SKAP2: variants seen among roughly 807,000 people sequenced by gnomAD.
SKAP2 encodes the protein src kinase-associated phosphoprotein 2.
Under a neutral mutation model 54.9 loss-of-function variants are expected in SKAP2, and 28 were observed. The observed-to-expected ratio is 0.51, with a 90% CI of 0.38 to 0.70. SKAP2 has a LOEUF of 0.70. Ranked by LOEUF, SKAP2 falls within the 30% of genes least tolerant of loss-of-function variation. The pLI is 0.00. For synonymous variants in SKAP2, 137 were observed against 134.3 expected, an observed-to-expected ratio of 1.02 and a Z score of -0.14; for missense variants, 356 against 424.1, an observed-to-expected ratio of 0.84 and a Z score of 1.41.
chr7:26,794,999 G>A (rs1562613220), intron 4 of SKAP2, among the ~76,000 whole-genome samples: 1 of 152,298 alleles, frequency 6.6e-6, no homozygotes, highest in South Asian at 2.1e-4. Flanking sequence ...CCCTATTGAG[G>A]TTAATAGAGG....
intron 3 of SKAP2, among the ~76,000 whole-genome samples, chr7:26,848,288 G>A (rs978433546): frequency 6.6e-6 from 1 of 152,078 alleles, no homozygotes; most frequent in African/African-American, 2.4e-5. Flanking sequence ...AGGTAAACAG[G>A]AAATGAAGTA....
intron 4 of SKAP2, among the ~76,000 whole-genome samples, chr7:26,837,909 C>A (rs906321757): frequency 6.6e-6 from 1 of 152,150 alleles, no homozygotes; most frequent in Non-Finnish European, 1.5e-5. Flanking sequence ...CTTTTAAGAG[C>A]AGAGCATAAT....
chr7:26,702,956 G>A (rs1787070648), intron 9 of SKAP2, among the ~76,000 whole-genome samples: 1 of 152,214 alleles, frequency 6.6e-6, no homozygotes, highest in Admixed American at 6.5e-5. Context: ...AGCAGCATCA[G>A]AATCACCTGG....
chr7:26,828,538 G>T (rs545372686), intron 4 of SKAP2, among the ~76,000 whole-genome samples: 4 of 151,428 alleles, frequency 2.6e-5, no homozygotes, highest in African/African-American at 9.7e-5. Flanking sequence ...TTAGCCGGGC[G>T]TGGTGGTGGG....
chr7:26,762,449 T>C (rs1235207934), intron 4 of SKAP2, among the ~76,000 whole-genome samples: 1 of 152,164 alleles, frequency 6.6e-6, no homozygotes, highest in Non-Finnish European at 1.5e-5. Flanking sequence ...TACACGTGTA[T>C]GTAAAATGTA....
Position 26,787,600 on chromosome 7 carries a change from T to C in SKAP2, c.308-47636A>G, listed in dbSNP as rs373328274. ...CCTCTGCCTCCCAAAGCGTTGGGAT[T>C]ACAGGCGTGAGCCACCACACCTGGC... On this transcript the variant is annotated intron_variant, in intron 4 of 12. Coordinates refer to ENST00000345317, the MANE Select transcript of SKAP2 (RefSeq NM_003930.5). 2.6e-5 allele frequency among the ~76,000 whole-genome samples: 4 copies of C among 152,126 alleles called. No individual in the cohort carries two copies. In the East Asian group the frequency reaches 7.7e-4, roughly 29 times the overall value.
intron 4 of SKAP2, among the ~76,000 whole-genome samples, chr7:26,760,255 A>C (rs73061889): frequency 0.3 from 44,920 of 152,030 alleles, 6,896 homozygotes; most frequent in Non-Finnish European, 0.33. Context: ...AAGAAAATGC[A>C]AATTCATGTC....
intron 4 of SKAP2, among the ~76,000 whole-genome samples, chr7:26,751,781 C>T (rs1782689609): frequency 2.6e-5 from 4 of 151,840 alleles, no homozygotes. Context: ...TAATATACTG[C>T]CTCCTTCTCC....
chr7:26,857,309 T>TTAAAAAAAAAAA, intron 1 of SKAP2: 1 of 55,950 alleles, frequency 1.8e-5, no homozygotes, highest in Non-Finnish European at 2.2e-5. Flanking sequence ...ACTGCTTTGC[T>TTAAAAAAAAAAA]TAAAAAAAAA....
intron 9 of SKAP2, among the ~76,000 whole-genome samples, chr7:26,693,517 CAT>C (rs1019675181): frequency 6.6e-5 from 10 of 152,052 alleles, no homozygotes; most frequent in African/African-American, 2.4e-4. Flanking sequence ...GTGCCAGTAA[CAT>C]GTGCTCTGGA....
intron 10 of SKAP2, among the ~76,000 whole-genome samples, chr7:26,687,708 A>C (rs1198944612): frequency 6.6e-6 from 1 of 152,158 alleles, no homozygotes; most frequent in African/African-American, 2.4e-5. Flanking sequence ...AACATACACA[A>C]AAAATTAAGC....
chr7:26,655,345 G>T, the SKAP2 span, among the ~76,000 whole-genome samples: 1 of 152,142 alleles, frequency 6.6e-6, no homozygotes, highest in Non-Finnish European at 1.5e-5. Flanking sequence ...TGCCCCACAA[G>T]TGCCATAAAG....
At chr7:26,825,321 T>C (rs2127991262) in intron 4 of SKAP2, among the ~76,000 whole-genome samples, 1 of 152,296 alleles carries the variant, frequency 6.6e-6, no homozygotes, top group East Asian at 1.9e-4. Context: ...ATAATATATG[T>C]ATCTTCGCTA....
chr7:26,785,347 G>A (rs1365878576), intron 4 of SKAP2, among the ~76,000 whole-genome samples: 8 of 151,752 alleles, frequency 5.3e-5, no homozygotes, highest in Admixed American at 1.3e-4. Context: ...CCACCACACC[G>A]GGCTAATTTT....
chr7:26,834,001 A>C (rs1248710680), intron 4 of SKAP2, among the ~76,000 whole-genome samples: 1 of 152,208 alleles, frequency 6.6e-6, no homozygotes, highest in Non-Finnish European at 1.5e-5. Flanking sequence ...AGTATCTCAG[A>C]CCACAGTGCA....
intron 9 of SKAP2, among the ~76,000 whole-genome samples, chr7:26,716,789 A>G (rs1199620696): frequency 6.6e-6 from 1 of 152,214 alleles, no homozygotes; most frequent in Non-Finnish European, 1.5e-5. Flanking sequence ...AATTAAAATT[A>G]GTATTCCTCT....
At chr7:26,747,600 A>AGTACTGT (rs1782584523) in intron 4 of SKAP2, among the ~76,000 whole-genome samples, 1 of 152,218 alleles carries the variant, frequency 6.6e-6, no homozygotes, top group African/African-American at 2.4e-5. Flanking sequence ...TCTATTTAGA[A>AGTACTGT]CAAAAGAAGA....
At chr7:26,661,206 T>G in the SKAP2 span, among the ~76,000 whole-genome samples, 1 of 152,118 alleles carries the variant, frequency 6.6e-6, no homozygotes, top group Non-Finnish European at 1.5e-5. Context: ...TAAGGTTACA[T>G]GTAACGAGGT....
intron 4 of SKAP2, among the ~76,000 whole-genome samples, chr7:26,780,279 A>G (rs1188570334): frequency 2.0e-5 from 3 of 152,140 alleles, no homozygotes; most frequent in Non-Finnish European, 4.4e-5. Flanking sequence ...TAGCTGTTGC[A>G]ATTATTATTG....
Sources: gnomAD v4.1 joint callset for allele counts (sites outside exome capture counted in the v4.1 genomes callset) on GRCh38, gnomAD v4.1.1 for gene constraint, MANE v1.5 for transcripts, NCBI Gene and HGNC (gene_info 2026-07-23, HGNC 2026-07-21) for gene names.